Variants in SGTB observed in about 807,000 individuals in gnomAD.
The protein encoded by SGTB is small glutamine rich tetratricopeptide repeat co-chaperone beta.
In SGTB, 19 loss-of-function variants were observed where a neutral mutation model predicts 43.9. The ratio of observed to expected loss-of-function variants is 0.43; its 90% CI spans 0.30 to 0.63. The LOEUF is 0.63. Among genes scored for constraint, SGTB ranks in the 30% least tolerant of loss-of-function variants. SGTB has a pLI of 0.12. For synonymous variants in SGTB, 116 were observed against 117.3 expected (o/e 0.99, Z 0.07); for missense variants, 304 against 358.9 (o/e 0.85, Z 1.24).
At chr5:65,720,920 G>T in intron 1 of SGTB, 91 bp from the exon 2 acceptor site, 2 of 1,345,362 alleles carry the variant, frequency 1.5e-6, no homozygotes, top group Non-Finnish European at 9.9e-7. Flanking sequence ...GGGTTATAAA[G>T]TGTATTAAAG....
chr5:65,671,596 C>T (rs1042860708), intron 10 of SGTB, among the ~76,000 whole-genome samples: 1 of 143,918 alleles, frequency 6.9e-6, no homozygotes, highest in Admixed American at 7.5e-5. Flanking sequence ...GAAAAAGATT[C>T]TGCTGGTACT....
intron 2 of SGTB, among the ~76,000 whole-genome samples, chr5:65,716,302 A>C (rs1245376385): frequency 3.9e-5 from 6 of 152,248 alleles, no homozygotes. Context: ...AATATGTCAC[A>C]GAAGTCAAAT....
chr5:65,683,900 C>G (rs1257661486), intron 6 of SGTB, among the ~76,000 whole-genome samples: 1 of 150,492 alleles, frequency 6.6e-6, no homozygotes, highest in Non-Finnish European at 1.5e-5. Flanking sequence ...AAGCTGAGAT[C>G]GCGCCACTGC....
chr5:65,678,097 C>T (rs540819950), intron 8 of SGTB, among the ~76,000 whole-genome samples: 2 of 152,172 alleles, frequency 1.3e-5, no homozygotes, highest in African/African-American at 4.8e-5. Flanking sequence ...TCTAGAAAAC[C>T]CTATTGTCTC....
chr5:65,720,745 C>T lies in SGTB; in HGVS notation c.63G>A (p.Met21Ile). 1.2e-6 allele frequency: 2 copies of T among 1,613,968 alleles called. No individual in the cohort carries two copies. Among genetic ancestry groups the T allele is most frequent in the South Asian group, 1.1e-5 (1 of 91,054 alleles). The change falls in exon 2 of 11, where the codon ATG (methionine) becomes ATA (isoleucine). Residue 21 changes from methionine (M) to isoleucine (I), a missense_variant. Coordinates refer to ENST00000381007, the MANE Select transcript of SGTB (RefSeq NM_019072.3). ...CTTGTTCATCCGAGGTGTAAGTGTC[C>T]ATCTGACTTTGTTCCCGTAAGAAAC... ...VIRFLREQSQ[M>I]DTYTSDEQES... is the part of the protein sequence containing the mutation.
intron 6 of SGTB, among the ~76,000 whole-genome samples, chr5:65,684,957 A>T (rs900460964): frequency 3.3e-5 from 5 of 152,218 alleles, no homozygotes; most frequent in African/African-American, 1.2e-4. Flanking sequence ...TCCTTCAAAA[A>T]GCATCTAGCT....
At chr5:65,674,535 G>A (rs556010589) in intron 8 of SGTB, among the ~76,000 whole-genome samples, 2 of 152,196 alleles carry the variant, frequency 1.3e-5, no homozygotes, top group African/African-American at 2.4e-5. Flanking sequence ...TTCTCAGTGA[G>A]GGCTTGAGAT....
intron 4 of SGTB, among the ~76,000 whole-genome samples, chr5:65,707,463 T>G (rs1757956749): frequency 6.9e-6 from 1 of 145,592 alleles, no homozygotes; most frequent in African/African-American, 2.5e-5. Flanking sequence ...TGAGATGGAG[T>G]CTCCCTCTGT....
At position 65,720,771 on chromosome 5, in the gene SGTB, G is replaced by C. The variant is rs779057480; in HGVS notation, c.37C>G (p.Arg13Gly). 1.2e-6 allele frequency: 2 copies of C among 1,613,862 alleles called. No individual in the cohort carries two copies. Among genetic ancestry groups the C allele is most frequent in the South Asian group, 2.2e-5 (2 of 91,036 alleles). ...SIKHLVYAVI[R>G]FLREQSQMDT... The stretch of plus-strand genomic sequence containing the variant: ...ATCTGACTTTGTTCCCGTAAGAAAC[G>C]AATAACTGCATAAACCAGGTGCTTG... Residue 13 changes from arginine (R) to glycine (G), a missense_variant, in exon 2 of 11, where the codon CGT (arginine) becomes GGT (glycine). Arg to Gly is a moderately radical substitution (Grantham distance 125). Transcript: ENST00000381007.
At chr5:65,716,518 T>C (rs1758154590) in intron 2 of SGTB, among the ~76,000 whole-genome samples, 1 of 152,196 alleles carries the variant, frequency 6.6e-6, no homozygotes, top group Non-Finnish European at 1.5e-5. Flanking sequence ...AATCTAGACA[T>C]ATTTTGAAAG....
At chr5:65,686,162 T>C (rs974355456) in intron 5 of SGTB, among the ~76,000 whole-genome samples, 11 of 152,150 alleles carry the variant, frequency 7.2e-5, no homozygotes, top group Admixed American at 2.6e-4. Context: ...GAAGTCAAAG[T>C]GGGGTGCCAG....
chr5:65,705,501 G>A (rs1041982844), intron 4 of SGTB, among the ~76,000 whole-genome samples: 44 of 152,130 alleles, frequency 2.9e-4, no homozygotes, highest in African/African-American at 1.0e-3. Flanking sequence ...ATGGAGATTA[G>A]GAGGAATGAT....
intron 6 of SGTB, among the ~76,000 whole-genome samples, chr5:65,683,839 G>A (rs554519144): frequency 1.6e-4 from 25 of 151,850 alleles, no homozygotes; most frequent in South Asian, 6.3e-4. Flanking sequence ...CCAGCTACTC[G>A]GGAGGCTGAG....
intron 2 of SGTB, among the ~76,000 whole-genome samples, chr5:65,715,706 T>G (rs1222702206): frequency 1.3e-5 from 2 of 152,152 alleles, no homozygotes; most frequent in African/African-American, 4.8e-5. Flanking sequence ...AAACAGGTAG[T>G]AAAGGGTAAG....
At chr5:65,684,758 G>A (rs1412789416) in intron 6 of SGTB, among the ~76,000 whole-genome samples, 4 of 152,034 alleles carry the variant, frequency 2.6e-5, no homozygotes, top group Admixed American at 2.0e-4. Flanking sequence ...TCACCATGTT[G>A]GGCAGGCTGG....
intron 8 of SGTB, among the ~76,000 whole-genome samples, chr5:65,676,886 T>C (rs1042140965): frequency 2.0e-5 from 3 of 151,852 alleles, no homozygotes; most frequent in African/African-American, 2.4e-5. Context: ...AGATCTCCAG[T>C]TGACAACCTA....
chr5:65,697,804 A>C (rs751718514), intron 5 of SGTB, among the ~76,000 whole-genome samples: 21 of 152,248 alleles, frequency 1.4e-4, no homozygotes, highest in Non-Finnish European at 2.9e-4. Context: ...TGTTTTAACT[A>C]GAAGCAGCCC....
At chr5:65,702,731 C>T (rs773167771) in intron 5 of SGTB, among the ~76,000 whole-genome samples, 1 of 152,046 alleles carries the variant, frequency 6.6e-6, no homozygotes, top group Non-Finnish European at 1.5e-5. Context: ...GTGTAAAATT[C>T]ACATTAGTAT....
chr5:65,694,289 G>A (rs1296353437), intron 5 of SGTB, among the ~76,000 whole-genome samples: 3 of 151,952 alleles, frequency 2.0e-5, no homozygotes. Context: ...AAAATTAGCT[G>A]GGCATAGTGG....
Sources: gnomAD v4.1 joint callset for allele counts (sites outside exome capture counted in the v4.1 genomes callset) on GRCh38, gnomAD v4.1.1 for gene constraint, MANE v1.5 for transcripts, NCBI Gene and HGNC (gene_info 2026-07-23, HGNC 2026-07-21) for gene names.